Variants in PRDM1 observed in about 807,000 individuals in gnomAD.
The protein encoded by PRDM1 is PR/SET domain 1, also known as PR domain zinc finger protein 1.
Under a neutral mutation model 62.8 loss-of-function variants are expected in PRDM1, and 13 were observed. The ratio of observed to expected loss-of-function variants is 0.21; its 90% CI spans 0.13 to 0.33. PRDM1 has a LOEUF of 0.33. Among genes scored for constraint, PRDM1 ranks in the 10% least tolerant of loss-of-function variants. The probability of loss-of-function intolerance (pLI) is 1.00; values close to 1 mark genes in which losing one functional copy is unlikely to be tolerated. For synonymous variants in PRDM1, 396 were observed against 417.6 expected, an observed-to-expected ratio of 0.95 and a Z score of 0.63; for missense variants, 895 against 1,058.8, an observed-to-expected ratio of 0.85 and a Z score of 2.15.
At chr6:105,998,917 ATATATATATATATATATTTTTTT>A (rs1211551877) in intron 1 of PRDM1, among the ~76,000 whole-genome samples, 3 of 3,810 alleles carry the variant, frequency 7.9e-4, no homozygotes, top group Admixed American at 2.2e-3. Flanking sequence ...ATATATATAT[ATATATATATATATATATTTTTTT>A]TTTTTTTTTT....
At position 106,105,256 on chromosome 6, in the gene PRDM1, G is replaced by A. The variant is rs780309464; in HGVS notation, c.1096G>A (p.Gly366Ser). ...PGNTVSPVGP[G>S]SQEHRDSYAY... ...GAATACGGTGTCCCCTGTGGGCCCC[G>A]GCTCTCAAGAGCACCGGGACTCCTA... The change falls in exon 5 of 7, where the codon GGC (glycine) becomes AGC (serine). Residue 366 changes from glycine to serine, a missense_variant. Physicochemically the swap from Gly to Ser is moderately conservative, Grantham distance 56. Around this residue, in one of 4 missense-constraint regions of PRDM1, gnomAD observed 444 missense variants for 422.7 expected, o/e 1.05. Transcript: ENST00000369096. 8 of 1,613,688 alleles carry A rather than the reference G, an allele frequency of 5.0e-6. No homozygotes were observed. In the South Asian group the frequency reaches 5.5e-5, roughly 11 times the overall value.
In PRDM1 at chr6:106,106,067, C is replaced by T. The variant is rs1774477449; in HGVS notation, c.1773+134C>T. The T allele has an allele frequency of 5.1e-6, 7 of 1,360,578 alleles. No individual in the cohort carries two copies. The highest frequency in any genetic ancestry group is 2.5e-5 in the East Asian group (1 of 39,900). 84.3% of individuals were successfully genotyped at this position (1,360,578 alleles called of 1,614,324 possible). A position where few individuals can be genotyped will look rare whatever the true frequency, so the allele number is the denominator to read the frequency against. On this transcript the variant is annotated intron_variant, in intron 5 of 6. Transcript: ENST00000369096. The surrounding 1 kb of genome is among the most constrained non-coding windows in gnomAD (Gnocchi z 4.4). Reference sequence around the variant, plus strand: ...GGTTGGGGATAGTGGGTATGGATTCCGCCTGGCTTTTGCCACTTCTAGCTC... The same window carrying T: ...GGTTGGGGATAGTGGGTATGGATTCTGCCTGGCTTTTGCCACTTCTAGCTC...
At chr6:106,070,299 T>C (rs1322712843) in intron 1 of PRDM1, among the ~76,000 whole-genome samples, 2 of 152,228 alleles carry the variant, frequency 1.3e-5, no homozygotes, top group Non-Finnish European at 2.9e-5. Flanking sequence ...TTTTTAGTCA[T>C]TGCAAGAATA....
chr6:106,097,414 G>C (rs1463818851), intron 3 of PRDM1, among the ~76,000 whole-genome samples: 1 of 152,210 alleles, frequency 6.6e-6, no homozygotes, highest in Non-Finnish European at 1.5e-5. Flanking sequence ...GGATTTATTT[G>C]AATCAGTCTT....
intron 1 of PRDM1, chr6:106,087,937 C>CTTTTTT (rs67873862): frequency 5.4e-6 from 1 of 185,660 alleles, no homozygotes; most frequent in African/African-American, 3.3e-5. Context: ...AGAGGTGATT[C>CTTTTTT]TTTTTTTTTT....
intron 4 of PRDM1, among the ~76,000 whole-genome samples, chr6:106,100,994 C>T (rs774633649): frequency 2.0e-4 from 30 of 152,066 alleles, no homozygotes; most frequent in Non-Finnish European, 3.8e-4. Flanking sequence ...TCCCAGGAAC[C>T]ATTCGGCTGT....
intron 1 of PRDM1, among the ~76,000 whole-genome samples, chr6:106,062,522 A>G (rs924846479): frequency 1.3e-5 from 2 of 152,176 alleles, no homozygotes; most frequent in African/African-American, 4.8e-5. Flanking sequence ...TACTAAAGTA[A>G]TTTTAGTGGG....
At chr6:105,995,253 C>G (rs1772334729) in intron 1 of PRDM1, among the ~76,000 whole-genome samples, 1 of 152,210 alleles carries the variant, frequency 6.6e-6, no homozygotes, top group African/African-American at 2.4e-5. Flanking sequence ...GATCAATGAT[C>G]TTTCATAACT....
chr6:106,095,015 C>A (rs934686382), intron 2 of PRDM1, among the ~76,000 whole-genome samples: 1 of 150,258 alleles, frequency 6.7e-6, no homozygotes, highest in South Asian at 2.1e-4. Context: ...CTTGAAAGAT[C>A]TCTTATTAAA....
chr6:106,104,709 GGCGATTGTGTCGCCA>G, intron 4 of PRDM1, 101 bp from the exon 5 acceptor site: 1 of 1,303,168 alleles, frequency 7.7e-7, no homozygotes, highest in Non-Finnish European at 1.1e-6. Flanking sequence ...CCAGATATGT[GGCGATTGTGTCGCCA>G]GCTGTTACTC....
chr6:106,072,373 G>GT (rs1750677915), intron 1 of PRDM1, among the ~76,000 whole-genome samples: 1 of 152,180 alleles, frequency 6.6e-6, no homozygotes, highest in African/African-American at 2.4e-5. Context: ...TCTGGGAATC[G>GT]TGACCTTCCC....
At chr6:106,035,411 C>T (rs2114570964) in intron 1 of PRDM1, among the ~76,000 whole-genome samples, 1 of 152,172 alleles carries the variant, frequency 6.6e-6, no homozygotes, top group South Asian at 2.1e-4. Flanking sequence ...CGCTTGAGGC[C>T]AGGAGTTCAA....
intron 3 of PRDM1, chr6:106,096,057 A>G (rs1437661816): frequency 8.8e-6 from 2 of 227,386 alleles, no homozygotes; most frequent in Non-Finnish European, 1.8e-5. Context: ...AGGAAGTAGT[A>G]ATGAGTTACC....
chr6:106,068,521 C>A (rs1388298770), intron 1 of PRDM1, among the ~76,000 whole-genome samples: 1 of 152,150 alleles, frequency 6.6e-6, no homozygotes, highest in African/African-American at 2.4e-5. Context: ...GTAAACCATT[C>A]ATTTAAATTT....
chr6:106,106,989 T>C lies in PRDM1; in HGVS notation c.1981T>C (p.Cys661Arg). 1 of 1,614,168 alleles carries C rather than the reference T, an allele frequency of 6.2e-7. No homozygotes were observed. The highest frequency in any genetic ancestry group is 8.5e-7 in the Non-Finnish European group (1 of 1,180,038). The change falls in exon 7 of 7, where the codon TGC becomes CGC. Residue 661 changes from cysteine (C) to arginine (R), a missense_variant. Physicochemically the swap from Cys to Arg is radical, Grantham distance 180. Around this residue, in one of 4 missense-constraint regions of PRDM1, gnomAD observed 74 missense variants for 172.4 expected, o/e 0.43. Coordinates refer to ENST00000369096, the MANE Select transcript of PRDM1 (RefSeq NM_001198.4). The surrounding 1 kb of genome is among the most constrained non-coding windows in gnomAD (Gnocchi z 4.4). ...CCATTCTGGAGAGAAACCATACCAA[T>C]GCAAGGTGTGCCCTGCCAAGTTCAC... ...RLHSGEKPYQ[C>R]KVCPAKFTQF...
At chr6:106,099,912 G>A (rs1377788803) in intron 4 of PRDM1, among the ~76,000 whole-genome samples, 37 of 152,178 alleles carry the variant, frequency 2.4e-4, no homozygotes, top group Admixed American at 2.4e-3. Flanking sequence ...TACTTTGGCA[G>A]GGCTTAGACT....
At chr6:106,016,840 G>A (rs1772628021) in intron 1 of PRDM1, among the ~76,000 whole-genome samples, 1 of 152,034 alleles carries the variant, frequency 6.6e-6, no homozygotes, top group Admixed American at 6.6e-5. Flanking sequence ...TTTTAGTAGA[G>A]ACGGGGTTTC....
At chr6:106,046,226 T>C (rs995015589), upstream of PRDM1, 3 of 152,144 alleles carry the variant, frequency 2.0e-5, no homozygotes, top group African/African-American at 7.2e-5. Context: ...ATTAGCCTGA[T>C]ACTCAAGCCG....
intron 1 of PRDM1, among the ~76,000 whole-genome samples, chr6:106,008,764 TTCCC>T (rs1772510104): frequency 6.6e-6 from 1 of 152,164 alleles, no homozygotes; most frequent in Non-Finnish European, 1.5e-5. Flanking sequence ...CTCCAGGGCT[TTCCC>T]CTGATGCTTT....
Sources: gnomAD v4.1 joint callset for allele counts (sites outside exome capture counted in the v4.1 genomes callset) on GRCh38, gnomAD v4.1.1 for gene constraint, gnomAD v4.1.1 regional missense constraint, Gnocchi (gnomAD v3.1) non-coding constraint, MANE v1.5 for transcripts, NCBI Gene and HGNC (gene_info 2026-07-23, HGNC 2026-07-21) for gene names.